The following SPAG16 variants were observed in gnomAD, a reference collection of about 807,000 sequenced individuals.
SPAG16 encodes sperm associated antigen 16.
SPAG16 carries 86 observed loss-of-function variants against 80.4 expected under a neutral mutation model. That is an observed-to-expected ratio of 1.07 (90% CI 0.90 to 1.28). SPAG16 has a LOEUF of 1.28. Ranked by LOEUF, SPAG16 falls within the 50% of genes most tolerant of loss-of-function variation. The pLI is 0.00. For synonymous variants in SPAG16, 294 were observed against 265.9 expected (o/e 1.11, Z -1.03); for missense variants, 870 against 765.3 (o/e 1.14, Z -1.61).
At chr2:213,688,532 T>C (rs1440000928) in intron 10 of SPAG16, among the ~76,000 whole-genome samples, 1 of 152,212 alleles carries the variant, frequency 6.6e-6, no homozygotes, top group African/African-American at 2.4e-5. Context: ...TGTAATGTTA[T>C]GCCAGAGTCA....
At chr2:213,732,062 T>G (rs1162452234) in intron 10 of SPAG16, among the ~76,000 whole-genome samples, 1 of 152,216 alleles carries the variant, frequency 6.6e-6, no homozygotes, top group African/African-American at 2.4e-5. Context: ...TACATTTAAG[T>G]CTTTTATCCA....
At chr2:213,739,675 C>T (rs1040770034) in intron 10 of SPAG16, among the ~76,000 whole-genome samples, 2 of 151,656 alleles carry the variant, frequency 1.3e-5, no homozygotes, top group Non-Finnish European at 2.9e-5. Flanking sequence ...GATCTCGGCT[C>T]ACTGCAACCT....
chr2:213,946,320 G>GTATA (rs1478894270), intron 12 of SPAG16, among the ~76,000 whole-genome samples: 49 of 152,000 alleles, frequency 3.2e-4, no homozygotes, highest in African/African-American at 8.9e-4. Context: ...TTACCATATT[G>GTATA]GCCAGGCTGG....
At chr2:214,190,023 C>A (rs930086217) in intron 15 of SPAG16, among the ~76,000 whole-genome samples, 8 of 152,192 alleles carry the variant, frequency 5.3e-5, no homozygotes, top group African/African-American at 1.7e-4. Context: ...AATTATCTTC[C>A]AGTTTCCTGT....
intron 10 of SPAG16, among the ~76,000 whole-genome samples, chr2:213,786,602 C>T (rs1448203421): frequency 1.3e-5 from 2 of 152,058 alleles, no homozygotes; most frequent in East Asian, 3.9e-4. Flanking sequence ...CTTGGTATGA[C>T]AAACACTTTG....
intron 10 of SPAG16, among the ~76,000 whole-genome samples, chr2:213,626,242 C>G (rs1574545231): frequency 6.6e-6 from 1 of 151,874 alleles, no homozygotes; most frequent in Admixed American, 6.6e-5. Context: ...TATTAGCAGT[C>G]CAGCATATTA....
chr2:214,319,645 A>G (rs545196424), intron 15 of SPAG16, among the ~76,000 whole-genome samples: 13 of 152,236 alleles, frequency 8.5e-5, no homozygotes, highest in African/African-American at 3.1e-4. Context: ...TTTTTAAAGG[A>G]GCATCAGTGG....
intron 10 of SPAG16, among the ~76,000 whole-genome samples, chr2:213,831,285 A>G (rs1157307904): frequency 1.3e-5 from 2 of 151,470 alleles, no homozygotes; most frequent in African/African-American, 4.8e-5. Flanking sequence ...TGATCCACCC[A>G]CCTCGGCCTC....
chr2:214,088,101 C>T (rs989740010), intron 13 of SPAG16, among the ~76,000 whole-genome samples: 2 of 151,844 alleles, frequency 1.3e-5, no homozygotes, highest in African/African-American at 4.8e-5. Context: ...AGATCTGATA[C>T]AACAGCAAAG....
intron 10 of SPAG16, among the ~76,000 whole-genome samples, chr2:213,550,136 A>G (rs1023364119): frequency 6.6e-6 from 1 of 151,896 alleles, no homozygotes; most frequent in African/African-American, 2.4e-5. Context: ...TTATTCTAAC[A>G]CCATATTTAT....
intron 15 of SPAG16, among the ~76,000 whole-genome samples, chr2:214,154,929 G>A (rs960790716): frequency 5.9e-5 from 9 of 152,122 alleles, no homozygotes; most frequent in Non-Finnish European, 1.0e-4. Flanking sequence ...GTAATATTTG[G>A]CAATAAAAAA....
At chr2:214,314,219 A>C (rs1695525024) in intron 15 of SPAG16, among the ~76,000 whole-genome samples, 1 of 152,168 alleles carries the variant, frequency 6.6e-6, no homozygotes, top group Non-Finnish European at 1.5e-5. Context: ...CCATCCCATG[A>C]ATATCATTTT....
chr2:213,799,487 G>C (rs2071247379), intron 10 of SPAG16, among the ~76,000 whole-genome samples: 1 of 152,066 alleles, frequency 6.6e-6, no homozygotes, highest in Admixed American at 6.5e-5. Context: ...AATACATAAT[G>C]ATAACATTAC....
chr2:213,358,171 T>C (rs966039244), intron 7 of SPAG16, among the ~76,000 whole-genome samples: 1 of 152,182 alleles, frequency 6.6e-6, no homozygotes, highest in African/African-American at 2.4e-5. Context: ...CTGCCCTCTC[T>C]CTCTGGCGGC....
intron 11 of SPAG16, among the ~76,000 whole-genome samples, chr2:213,922,352 T>C (rs1441057095): frequency 6.6e-6 from 1 of 152,212 alleles, no homozygotes; most frequent in African/African-American, 2.4e-5. Flanking sequence ...GCAATTCTTG[T>C]AGTATGTTTC....
chr2:213,368,395 G>A (rs2066438660), intron 8 of SPAG16, among the ~76,000 whole-genome samples: 1 of 152,110 alleles, frequency 6.6e-6, no homozygotes, highest in African/African-American at 2.4e-5. Context: ...TCAAAAATTC[G>A]TTATTGATGG....
intron 10 of SPAG16, among the ~76,000 whole-genome samples, chr2:213,505,076 A>G (rs7576809): frequency 0.026 from 3,918 of 152,320 alleles, 164 homozygotes; most frequent in African/African-American, 0.088. Flanking sequence ...CATTTGTATC[A>G]GTGACATTTT....
chr2:214,006,425 C>A (rs574621429), intron 12 of SPAG16, among the ~76,000 whole-genome samples: 4 of 151,960 alleles, frequency 2.6e-5, no homozygotes, highest in Non-Finnish European at 5.9e-5. Flanking sequence ...TGCTTTACAG[C>A]AAGTTGAAAG....
intron 12 of SPAG16, among the ~76,000 whole-genome samples, chr2:213,950,078 G>A (rs1302863279): frequency 6.6e-6 from 1 of 152,182 alleles, no homozygotes; most frequent in Non-Finnish European, 1.5e-5. Context: ...GAGTTCTACA[G>A]TGTGAGAAGG....
Sources: gnomAD v4.1 joint callset for allele counts (sites outside exome capture counted in the v4.1 genomes callset) on GRCh38, gnomAD v4.1.1 for gene constraint, MANE v1.5 for transcripts, NCBI Gene and HGNC (gene_info 2026-07-23, HGNC 2026-07-21) for gene names.